The following ITGB2 variants were observed in gnomAD, a reference collection of about 807,000 sequenced individuals.
ITGB2 encodes the protein integrin beta-2.
Under a neutral mutation model 86.8 loss-of-function variants are expected in ITGB2, and 56 were observed. That is an observed-to-expected ratio of 0.65 (90% CI 0.52 to 0.81). ITGB2 has a LOEUF of 0.81. ITGB2 is among the 30% of genes least tolerant of loss of function. The pLI, the probability that ITGB2 is intolerant of heterozygous loss-of-function variation, is 0.00. For missense variants in ITGB2, 948 were observed against 1,061.2 expected, an observed-to-expected ratio of 0.89 and a Z score of 1.48; for synonymous variants, 457 against 450.4, an observed-to-expected ratio of 1.01 and a Z score of -0.19.
rs200423927 is a variant in ITGB2, at chr21:44,900,459, C to G, written c.758G>C (p.Arg253Pro). ...VAACPEEIGW[R>P]NVTRLLVFAT... ...AAACACCAGCAGCCGCGTGACGTTG[C>G]GCCAGCCGATTTCCTCCTGAGAAGA... is the stretch of plus-strand genomic sequence containing the variant. Residue 253 changes from arginine to proline, a missense_variant, in exon 7 of 16, where the codon CGC becomes CCC. By Grantham distance (103) the Arg-to-Pro change is moderately radical. Transcript: ENST00000652462. 6 of 1,613,934 alleles carry G rather than the reference C, an allele frequency of 3.7e-6. No homozygotes were observed. Among genetic ancestry groups the G allele is most frequent in the Non-Finnish European group, 5.1e-6 (6 of 1,179,966 alleles).
chr21:44,901,949 T>C, intron 5 of ITGB2: 1 of 589,832 alleles, frequency 1.7e-6, no homozygotes, highest in Non-Finnish European at 3.0e-6. Context: ...GAGTGTGCAA[T>C]GTACATGGAT....
At chr21:44,901,811 G>A in intron 5 of ITGB2, 78 bp from the exon 6 acceptor site, 1 of 1,490,274 alleles carries the variant, frequency 6.7e-7, no homozygotes, top group South Asian at 1.3e-5. Context: ...GGGCACGAGG[G>A]CAAGCCTGTT....
intron 4 of ITGB2, among the ~76,000 whole-genome samples, chr21:44,906,248 G>A (rs912966010): frequency 1.4e-5 from 2 of 147,514 alleles, no homozygotes; most frequent in African/African-American, 5.1e-5. Context: ...AGGCTAAAGT[G>A]CAGTGGCACA....
At chr21:44,917,997 C>T (rs2146561336) in intron 1 of ITGB2, among the ~76,000 whole-genome samples, 1 of 152,354 alleles carries the variant, frequency 6.6e-6, no homozygotes, top group Admixed American at 6.5e-5. Flanking sequence ...AATGCAACCA[C>T]CTAATCAATG....
intron 3 of ITGB2, among the ~76,000 whole-genome samples, chr21:44,909,753 T>TC (rs2084100241): frequency 6.6e-6 from 1 of 152,242 alleles, no homozygotes; most frequent in Non-Finnish European, 1.5e-5. Flanking sequence ...ATTTCCTGAA[T>TC]TTGATACATG....
intron 4 of ITGB2, 72 bp from the exon 5 acceptor site, chr21:44,903,607 C>T (rs1192233847): frequency 8.2e-6 from 13 of 1,581,352 alleles, no homozygotes; most frequent in African/African-American, 4.0e-5. Context: ...CGTGTGGCCC[C>T]GAGCGGGCTG....
intron 13 of ITGB2, 85 bp from the exon 14 acceptor site, chr21:44,888,980 AG>A: frequency 2.9e-5 from 25 of 862,244 alleles, no homozygotes; most frequent in Non-Finnish European, 3.7e-5. Flanking sequence ...TGTGTCCACC[AG>A]GGGGGGCAGG....
At chr21:44,928,115 G>T (rs2084399096) in intron 1 of ITGB2, 2 of 151,980 alleles carry the variant, frequency 1.3e-5, no homozygotes, top group Admixed American at 1.3e-4. Context: ...TTGAGGGAGA[G>T]AGCTGAGGAG....
intron 1 of ITGB2, among the ~76,000 whole-genome samples, chr21:44,916,630 G>A (rs2084214399): frequency 6.6e-6 from 1 of 152,142 alleles, no homozygotes. Context: ...CACTTTGGGA[G>A]GCTGAGGCAG....
chr21:44,910,631 G>C, intron 2 of ITGB2, 94 bp downstream of exon 2: 1 of 1,490,794 alleles, frequency 6.7e-7, no homozygotes. Context: ...CCAGCCTCCC[G>C]GGAACTTCTG....
In ITGB2 at chr21:44,919,121, G is replaced by A. The variant is rs900454930; in HGVS notation, c.-4+1700C>T. Reference sequence around the variant, plus strand: ...AGCTGACAAACCCCACAGCCCGCCCGGTCACCTGCTTCACCGAGGGCCACA... The same window carrying A: ...AGCTGACAAACCCCACAGCCCGCCCAGTCACCTGCTTCACCGAGGGCCACA... On this transcript the variant is annotated intron_variant, in intron 1 of 15. Transcript: ENST00000652462. Among the ~76,000 whole-genome samples the A allele has an allele frequency of 4.6e-4, 70 of 152,210 alleles. 1 individual carries two copies. The highest frequency in any genetic ancestry group is 6.5e-4 in the African/African-American group (27 of 41,520).
chr21:44,902,538 A>C (rs1244249447), intron 5 of ITGB2, among the ~76,000 whole-genome samples: 1 of 150,376 alleles, frequency 6.6e-6, no homozygotes, highest in East Asian at 2.0e-4. Context: ...CACGTGTGTG[A>C]GCATGCATTC....
upstream of ITGB2, among the ~76,000 whole-genome samples, chr21:44,923,903 T>C (rs977230089): frequency 3.9e-5 from 6 of 152,150 alleles, no homozygotes; most frequent in Non-Finnish European, 8.8e-5. Flanking sequence ...ACGTATGTGC[T>C]AGAAAATACT....
chr21:44,907,859 TG>T (rs748251308), intron 3 of ITGB2: 113 of 578,160 alleles, frequency 2.0e-4, no homozygotes, highest in Middle Eastern at 3.8e-4. Context: ...GGTGCCTCTT[TG>T]TAGGGCTCTG....
upstream of ITGB2, among the ~76,000 whole-genome samples, chr21:44,925,431 G>T (rs1412850180): frequency 6.3e-4 from 65 of 103,472 alleles, no homozygotes; most frequent in Non-Finnish European, 1.1e-3. Context: ...AGGGAAGGAA[G>T]GAAGGAAGGA....
Position 44,886,867 on chromosome 21 carries a change from C to T in ITGB2, c.2116G>A (p.Gly706Arg), listed in dbSNP as rs202203340. Reference sequence around the variant, plus strand: ...AGCACGATGCCTGCCACGGTGCCCCCGACGATGGCGGCGATGTTGGGGCCT... The same window carrying T: ...AGCACGATGCCTGCCACGGTGCCCCTGACGATGGCGGCGATGTTGGGGCCT... ...VAGPNIAAIV[G>R]GTVAGIVLIG... Residue 706 changes from glycine to arginine, a missense_variant, in exon 15 of 16, where the codon GGG becomes AGG. Coordinates refer to ENST00000652462, the MANE Select transcript of ITGB2 (RefSeq NM_000211.5). 8 of 1,613,566 alleles carry T rather than the reference C, an allele frequency of 5.0e-6. No homozygotes were observed. Among genetic ancestry groups the T allele is most frequent in the Non-Finnish European group, 5.9e-6 (7 of 1,180,016 alleles).
In ITGB2 at chr21:44,920,184, A is replaced by T. The variant is rs564088797; in HGVS notation, c.-4+637T>A. ...ACTACATTACACATGTGCACCATACATGTACATACAACAGACTCCCCACAT... is the reference window on the plus strand; with the variant it reads ...ACTACATTACACATGTGCACCATACTTGTACATACAACAGACTCCCCACAT... On this transcript the variant is annotated intron_variant, in intron 1 of 15. Transcript: ENST00000652462. 3.3e-5 allele frequency among the ~76,000 whole-genome samples: 5 copies of T among 152,240 alleles called. No homozygotes were observed. The East Asian group carries it at 9.7e-4, about 29-fold the overall frequency.
intron 13 of ITGB2, 90 bp downstream of exon 13, chr21:44,889,186 T>C: frequency 1.1e-5 from 14 of 1,295,768 alleles, no homozygotes; most frequent in Non-Finnish European, 1.3e-5. Context: ...GCAGAGGTGC[T>C]CACTGGGGTC....
chr21:44,904,018 G>A (rs1410617347), intron 4 of ITGB2, among the ~76,000 whole-genome samples: 1 of 152,132 alleles, frequency 6.6e-6, no homozygotes, highest in Non-Finnish European at 1.5e-5. Context: ...CCGCTCGCCC[G>A]CGTCTCAGTC....
Sources: allele counts gnomAD v4.1 joint callset (sites outside exome capture counted in the v4.1 genomes callset), GRCh38; gene constraint gnomAD v4.1.1; transcripts MANE v1.5; gene names NCBI Gene and HGNC (gene_info 2026-07-23, HGNC 2026-07-21).